Variants in MAGT1 observed in about 807,000 individuals in gnomAD.
The protein encoded by MAGT1 is magnesium transporter 1.
In MAGT1, 4 loss-of-function variants were observed where a neutral mutation model predicts 28.4. The ratio of observed to expected loss-of-function variants is 0.14; its 90% CI spans 0.07 to 0.32. The LOEUF (loss-of-function observed/expected upper bound fraction) is 0.32, where lower values mean the gene tolerates loss of function less well. Among genes scored for constraint, MAGT1 ranks in the 10% least tolerant of loss-of-function variants. The pLI, the probability that MAGT1 is intolerant of heterozygous loss-of-function variation, is 1.00. For synonymous variants in MAGT1, 89 were observed against 89.7 expected (o/e 0.99, Z 0.04); for missense variants, 193 against 264.5 (o/e 0.73, Z 1.88).
intron 1 of MAGT1, among the ~76,000 whole-genome samples, chrX:77,878,486 G>A (rs868909669): frequency 5.3e-4 from 35 of 65,695 alleles, no homozygotes; most frequent in African/African-American, 7.4e-4. Context: ...AAAAAAAAAA[G>A]AAAAAAAGAA....
chrX:77,856,827 C>T lies in MAGT1; in HGVS notation c.578G>A (p.Gly193Glu). Reference protein sequence around the residue: ...PPNYAGPLMLGLLLAVIGGLV... With the variant: ...PPNYAGPLMLELLLAVIGGLV... Reference sequence around the variant, plus strand: ...TCCACCAATAACAGCCAAAAGCAATCCCAACATAAGGGGACCAGCATAATT... The same window carrying T: ...TCCACCAATAACAGCCAAAAGCAATTCCAACATAAGGGGACCAGCATAATT... The change falls in exon 5 of 10, where the codon GGA becomes GAA. Residue 193 changes from glycine (G) to glutamate (E), a missense_variant. Coordinates refer to ENST00000618282, the MANE Select transcript of MAGT1 (RefSeq NM_001367916.1). The T allele has an allele frequency of 8.3e-7, 1 of 1,207,349 alleles. No individual in the cohort carries two copies. Among genetic ancestry groups the T allele is most frequent in the Non-Finnish European group, 1.1e-6 (1 of 891,869 alleles).
chrX:77,895,228 G>A, intron 1 of MAGT1, 81 bp downstream of exon 1: 2 of 1,066,445 alleles, frequency 1.9e-6, no homozygotes, highest in South Asian at 1.9e-5. Flanking sequence ...GGCAGGGAAA[G>A]GGGGCTGGGA....
At chrX:77,856,912 T>G (rs2076982853) in intron 4 of MAGT1, 39 bp from the exon 5 acceptor site, 1 of 1,109,326 alleles carries the variant, frequency 9.0e-7, no homozygotes, top group African/African-American at 1.8e-5. Flanking sequence ...AAGTATAAAA[T>G]TTTTTTACTA....
intron 7 of MAGT1, among the ~76,000 whole-genome samples, chrX:77,850,688 G>A (rs782788432): frequency 2.7e-5 from 3 of 110,867 alleles, no homozygotes; most frequent in African/African-American, 6.5e-5. Flanking sequence ...ATTGTAATCC[G>A]TTCCAAATGT....
chrX:77,876,192 G>C (rs1233646251), intron 1 of MAGT1, among the ~76,000 whole-genome samples: 1 of 62,501 alleles, frequency 1.6e-5, no homozygotes, highest in African/African-American at 7.1e-5. Context: ...TTTTTGTAGA[G>C]ACGGGGGTTT....
chrX:77,876,570 AC>A lies in MAGT1; in HGVS notation c.103-974del, dbSNP rs2077035561. Among the ~76,000 whole-genome samples, 4 of 111,638 alleles carry A rather than the reference AC, an allele frequency of 3.6e-5. No individual in the cohort carries two copies. In the South Asian group the frequency reaches 1.5e-3, roughly 41 times the overall value. On this transcript the variant is annotated intron_variant, in intron 1 of 9. Coordinates refer to ENST00000618282, the MANE Select transcript of MAGT1 (RefSeq NM_001367916.1). Reference sequence around the variant, plus strand: ...TATCACAGAACAACAGAACAAAAAAACAACCCAGAAGTAGACCCATACAAGT... The same window carrying A: ...TATCACAGAACAACAGAACAAAAAAAAACCCAGAAGTAGACCCATACAAGT...
At chrX:77,879,572 T>C (rs1247893014) in intron 1 of MAGT1, among the ~76,000 whole-genome samples, 1 of 111,496 alleles carries the variant, frequency 9.0e-6, no homozygotes, top group Non-Finnish European at 1.9e-5. Flanking sequence ...CACTTACCAT[T>C]TTAAGACACT....
At chrX:77,858,593 A>G (rs2076987221) in intron 3 of MAGT1, among the ~76,000 whole-genome samples, 1 of 111,971 alleles carries the variant, frequency 8.9e-6, no homozygotes, top group Non-Finnish European at 1.9e-5. Context: ...AAGCTTTCCC[A>G]TAAGGTGAGA....
At position 77,853,604 on chromosome X, in the gene MAGT1, A is replaced by C. The variant is rs782760145; in HGVS notation, c.826+297T>G. ...TTTGTTTAAATTTCACATAAACTCC[A>C]CTATTCTCCCAAATCCTATTACAAC... On this transcript the variant is annotated intron_variant, in intron 7 of 9. Coordinates refer to ENST00000618282, the MANE Select transcript of MAGT1 (RefSeq NM_001367916.1). Among the ~76,000 whole-genome samples, 7 of 111,821 alleles carry C rather than the reference A, an allele frequency of 6.3e-5. No homozygotes were observed. The South Asian group carries it at 2.6e-3, about 41-fold the overall frequency.
chrX:77,838,278 G>A (rs2076925303), intron 8 of MAGT1, among the ~76,000 whole-genome samples: 1 of 109,576 alleles, frequency 9.1e-6, no homozygotes, highest in Non-Finnish European at 1.9e-5. Flanking sequence ...AATAAAGTGA[G>A]ACCCCATCTC....
chrX:77,862,657 C>T (rs1557216556), intron 3 of MAGT1, among the ~76,000 whole-genome samples: 1 of 111,591 alleles, frequency 9.0e-6, no homozygotes, highest in Admixed American at 9.6e-5. Flanking sequence ...AAATACTCAA[C>T]ATCACTCATC....
intron 1 of MAGT1, among the ~76,000 whole-genome samples, chrX:77,879,784 T>A (rs782064478): frequency 2.6e-4 from 28 of 107,960 alleles, no homozygotes; most frequent in African/African-American, 9.4e-4. Flanking sequence ...GAAACAAAAC[T>A]TTTTTTTTCA....
At chrX:77,829,801 T>G (rs782115398) in intron 9 of MAGT1, among the ~76,000 whole-genome samples, 1 of 111,446 alleles carries the variant, frequency 9.0e-6, no homozygotes, top group Non-Finnish European at 1.9e-5. Flanking sequence ...TTTTTAACAT[T>G]AAAAAAAATC....
intron 2 of MAGT1, among the ~76,000 whole-genome samples, chrX:77,873,633 G>A (rs1248680874): frequency 9.0e-6 from 1 of 111,431 alleles, no homozygotes; most frequent in African/African-American, 3.3e-5. Context: ...AGCAAGATTA[G>A]TCTCCATCTC....
At chrX:77,841,466 C>G (rs2076934513) in intron 7 of MAGT1, 146 bp from the exon 8 acceptor site, 6 of 446,191 alleles carry the variant, frequency 1.3e-5, no homozygotes, top group Non-Finnish European at 2.4e-5. Context: ...AATCTTGTAT[C>G]TATACGGCAT....
chrX:77,875,619 T>C, intron 1 of MAGT1, 22 bp from the exon 2 acceptor site: 1 of 1,194,608 alleles, frequency 8.4e-7, no homozygotes, highest in Non-Finnish European at 1.1e-6. Context: ...AAAGTGAGCA[T>C]GCTATTAATA....
At chrX:77,869,161 G>A (rs957377392) in intron 3 of MAGT1, among the ~76,000 whole-genome samples, 2 of 110,673 alleles carry the variant, frequency 1.8e-5, no homozygotes, top group African/African-American at 3.3e-5. Context: ...GATTACGGGC[G>A]CCCGCCACCA....
chrX:77,868,383 T>C (rs187793229), intron 3 of MAGT1: 1,846 of 102,291 alleles, frequency 0.018, 99 homozygotes, highest in African/African-American at 0.059. Flanking sequence ...ACGCCTGTAA[T>C]CCCAGCACTT....
chrX:77,894,297 G>A (rs2077092427), intron 1 of MAGT1, among the ~76,000 whole-genome samples: 2 of 112,159 alleles, frequency 1.8e-5, no homozygotes, highest in South Asian at 7.2e-4. Context: ...AACTCATTAA[G>A]TTTAACTTCC....
Sources: allele counts gnomAD v4.1 joint callset (sites outside exome capture counted in the v4.1 genomes callset), GRCh38; gene constraint gnomAD v4.1.1; transcripts MANE v1.5; gene names NCBI Gene and HGNC (gene_info 2026-07-23, HGNC 2026-07-21).